Variants in GPX6 observed in about 807,000 individuals in gnomAD.
GPX6 encodes glutathione peroxidase 6, also known as glutathione peroxidase 6 (olfactory).
GPX6 carries 21 observed loss-of-function variants against 20.0 expected under a neutral mutation model. The observed-to-expected ratio is 1.05, with a 90% CI of 0.74 to 1.51. The LOEUF (loss-of-function observed/expected upper bound fraction) is 1.51. Among genes scored for constraint, GPX6 ranks in the 40% most tolerant of loss-of-function variants. GPX6 has a pLI of 0.00. For synonymous variants in GPX6, 75 were observed against 98.0 expected (o/e 0.77, Z 1.38); for missense variants, 233 against 254.7 (o/e 0.91, Z 0.58).
chr6:28,511,946 C>A (rs377655814), intron 1 of GPX6, among the ~76,000 whole-genome samples: 2,724 of 151,546 alleles, frequency 0.018, 72 homozygotes, highest in African/African-American at 0.055. Context: ...GGCCAGCCGG[C>A]CCCGGGCACT....
chr6:28,507,247 C>T (rs940423945), intron 2 of GPX6, among the ~76,000 whole-genome samples: 2 of 152,230 alleles, frequency 1.3e-5, no homozygotes, highest in Admixed American at 6.5e-5. Flanking sequence ...TCAGATTCAG[C>T]TCTGCCTGCT....
At chr6:28,505,940 G>A in intron 3 of GPX6, 138 bp from the exon 4 acceptor site, 1 of 675,218 alleles carries the variant, frequency 1.5e-6, no homozygotes, top group Non-Finnish European at 2.6e-6. Context: ...AGAAAAGATA[G>A]TCTGTGGGAA....
intron 1 of GPX6, among the ~76,000 whole-genome samples, chr6:28,513,605 A>G (rs930930692): frequency 1.3e-5 from 2 of 152,226 alleles, no homozygotes; most frequent in Non-Finnish European, 2.9e-5. Flanking sequence ...AGTTCATAAA[A>G]TAGCACAGAG....
At chr6:28,514,476 G>T in intron 1 of GPX6, among the ~76,000 whole-genome samples, 1 of 152,216 alleles carries the variant, frequency 6.6e-6, no homozygotes, top group East Asian at 1.9e-4. Flanking sequence ...CTTGGAGGTT[G>T]TCCGTTCAAG....
At chr6:28,513,974 C>T (rs1161650698) in intron 1 of GPX6, among the ~76,000 whole-genome samples, 2 of 152,234 alleles carry the variant, frequency 1.3e-5, no homozygotes, top group African/African-American at 2.4e-5. Context: ...TTTCTGTACA[C>T]ATCTGTGCAT....
chr6:28,512,788 C>G (rs949027128), intron 1 of GPX6, among the ~76,000 whole-genome samples: 1 of 152,120 alleles, frequency 6.6e-6, no homozygotes, highest in Non-Finnish European at 1.5e-5. Flanking sequence ...AGCGAGACCA[C>G]GAACCCACCG....
In GPX6 at chr6:28,504,419, C is replaced by T. The variant is rs374833384; in HGVS notation, c.539G>A (p.Arg180His). The T allele has an allele frequency of 3.3e-5, 53 of 1,613,962 alleles. No individual in the cohort carries two copies. In the African/African-American group the frequency reaches 5.1e-4, roughly 15 times the overall value. Reference sequence around the variant, plus strand: ...CACCAGAAATTTCTCAAAGTTCCAGCGGATATCATGGACCTTCATGGGCTC... The same window carrying T: ...CACCAGAAATTTCTCAAAGTTCCAGTGGATATCATGGACCTTCATGGGCTC... The part of the protein sequence containing the change: ...FWEPMKVHDI[R>H]WNFEKFLVGP... The change falls in exon 5 of 5, where the codon CGC becomes CAC. Residue 180 changes from arginine to histidine, a missense_variant. Coordinates refer to ENST00000361902, the MANE Select transcript of GPX6 (RefSeq NM_182701.1).
At chr6:28,508,156 G>A (rs1296664992) in intron 2 of GPX6, among the ~76,000 whole-genome samples, 1 of 152,128 alleles carries the variant, frequency 6.6e-6, no homozygotes, top group East Asian at 1.9e-4. Context: ...TCAATATGTA[G>A]CAAATTTAAG....
rs1270215286 is a variant in GPX6 at position 28,503,966 on chromosome 6, T to C, written c.*326A>G. 1 of 266,618 alleles carries C rather than the reference T, an allele frequency of 3.8e-6. No homozygotes were observed. Among genetic ancestry groups the C allele is most frequent in the Non-Finnish European group, 7.1e-6 (1 of 141,216 alleles). 16.5% of individuals were successfully genotyped at this position (266,618 alleles called of 1,614,324 possible). ...CCTAAAATATGATTTTCCTTTGGAA[T>C]AGATATTTCAGGATCAGAGAGTTGG... On this transcript the variant is annotated 3_prime_UTR_variant, in exon 5 of 5. Coordinates refer to ENST00000361902, the MANE Select transcript of GPX6 (RefSeq NM_182701.1).
chr6:28,512,312 C>T (rs190959868), intron 1 of GPX6, among the ~76,000 whole-genome samples: 2,719 of 152,322 alleles, frequency 0.018, 71 homozygotes, highest in African/African-American at 0.055. Context: ...ATACACCAAT[C>T]GGCACTCTGT....
chr6:28,513,128 C>A (rs73740965), intron 1 of GPX6, among the ~76,000 whole-genome samples: 2 of 152,146 alleles, frequency 1.3e-5, no homozygotes, highest in Non-Finnish European at 2.9e-5. Flanking sequence ...TCTTTTGGCT[C>A]CCCCATCTGA....
At chr6:28,511,594 A>G (rs1562000534) in intron 1 of GPX6, among the ~76,000 whole-genome samples, 1 of 152,260 alleles carries the variant, frequency 6.6e-6, no homozygotes, top group Non-Finnish European at 1.5e-5. Context: ...GGATGTGGAG[A>G]GAAGCACATC....
At position 28,504,022 on chromosome 6, in the gene GPX6, AACACACACACAC is replaced by A. The variant is rs67996303; in HGVS notation, c.*258_*269del. 2 of 338,936 alleles carry A rather than the reference AACACACACACAC, an allele frequency of 5.9e-6. No individual in the cohort carries two copies. Among genetic ancestry groups the A allele is most frequent in the South Asian group, 8.0e-5 (1 of 12,466 alleles). The allele number at this position is 338,936 out of a possible 1,614,324, so 21.0% of individuals were successfully genotyped here. On this transcript the variant is annotated 3_prime_UTR_variant, in exon 5 of 5. Transcript: ENST00000361902. The stretch of plus-strand genomic sequence containing the variant: ...TAGGTGTTCTTTTCCTTAATCTTCA[AACACACACACAC>A]ACACACACACACACACCATACATAC...
At chr6:28,511,029 T>C in intron 1 of GPX6, 125 bp from the exon 2 acceptor site, 1 of 792,150 alleles carries the variant, frequency 1.3e-6, no homozygotes, top group South Asian at 3.1e-5. Flanking sequence ...ACTGAAGGGA[T>C]CTTTCCAAGT....
intron 4 of GPX6, among the ~76,000 whole-genome samples, 195 bp downstream of exon 4, chr6:28,505,508 G>C (rs1021118634): frequency 6.6e-6 from 1 of 152,202 alleles, no homozygotes; most frequent in Non-Finnish European, 1.5e-5. Flanking sequence ...CAGGAGGGTA[G>C]TCCATGTCAG....
At chr6:28,506,280 G>T in intron 3 of GPX6, 32 bp downstream of exon 3, 1 of 1,287,146 alleles carries the variant, frequency 7.8e-7, no homozygotes, top group East Asian at 2.3e-5. Flanking sequence ...AATCCCGACA[G>T]GGCATCTGCA....
At chr6:28,512,981 C>G (rs1169311162) in intron 1 of GPX6, among the ~76,000 whole-genome samples, 1 of 152,008 alleles carries the variant, frequency 6.6e-6, no homozygotes, top group Non-Finnish European at 1.5e-5. Flanking sequence ...GACACGCTGC[C>G]TTAAAGAACT....
chr6:28,507,341 T>C (rs1249843566), intron 2 of GPX6, among the ~76,000 whole-genome samples: 1 of 152,228 alleles, frequency 6.6e-6, no homozygotes, highest in East Asian at 1.9e-4. Flanking sequence ...GAAACTCATC[T>C]CTCTCTTATC....
At chr6:28,511,999 C>G (rs1273842987) in intron 1 of GPX6, among the ~76,000 whole-genome samples, 1 of 152,266 alleles carries the variant, frequency 6.6e-6, no homozygotes, top group Non-Finnish European at 1.5e-5. Flanking sequence ...TGCTCGACTT[C>G]TCGCTGGGCC....
Sources: gnomAD v4.1 joint callset for allele counts (sites outside exome capture counted in the v4.1 genomes callset) on GRCh38, gnomAD v4.1.1 for gene constraint, MANE v1.5 for transcripts, NCBI Gene and HGNC (gene_info 2026-07-23, HGNC 2026-07-21) for gene names.